Variants in NCAM2 observed in about 807,000 individuals in gnomAD.
The protein encoded by NCAM2 is N-CAM-2.
A neutral mutation model predicts 98.1 loss-of-function variants in NCAM2; 30 were observed. The observed-to-expected ratio is 0.31, with a 90% CI of 0.23 to 0.41. NCAM2 has a LOEUF of 0.41. Ranked by LOEUF, NCAM2 falls within the 10% of genes least tolerant of loss-of-function variation. The pLI, the probability that NCAM2 is intolerant of heterozygous loss-of-function variation, is 1.00. For synonymous variants in NCAM2, 368 were observed against 342.4 expected (o/e 1.07, Z -0.83); for missense variants, 867 against 1,005.8 (o/e 0.86, Z 1.87).
chr21:21,132,888 C>A (rs2066965262), intron 1 of NCAM2, among the ~76,000 whole-genome samples: 2 of 152,150 alleles, frequency 1.3e-5, no homozygotes, highest in Non-Finnish European at 2.9e-5. Context: ...TGTGCCACTT[C>A]CAGGGTAAAA....
At chr21:21,098,581 A>C (rs970608193) in intron 1 of NCAM2, among the ~76,000 whole-genome samples, 2 of 151,800 alleles carry the variant, frequency 1.3e-5, no homozygotes, top group African/African-American at 2.4e-5. Context: ...CATCTTCTCT[A>C]TTAGGGAGGT....
chr21:21,284,537 G>A (rs911159845), intron 3 of NCAM2, 137 bp downstream of exon 3: 10 of 683,956 alleles, frequency 1.5e-5, no homozygotes, highest in Admixed American at 2.6e-5. Context: ...TGCTTTACCA[G>A]AGTGTATCTT....
At chr21:21,446,929 A>G (rs1980249104) in intron 12 of NCAM2, among the ~76,000 whole-genome samples, 1 of 152,204 alleles carries the variant, frequency 6.6e-6, no homozygotes, top group South Asian at 2.1e-4. Context: ...AAAACATTCC[A>G]TTCTCATGGA....
chr21:21,384,872 C>T (rs1028001934), intron 9 of NCAM2, among the ~76,000 whole-genome samples: 5 of 151,868 alleles, frequency 3.3e-5, no homozygotes, highest in African/African-American at 4.8e-5. Flanking sequence ...AAAAATATCA[C>T]GAGATATATG....
intron 10 of NCAM2, among the ~76,000 whole-genome samples, chr21:21,416,595 G>A (rs1041490352): frequency 6.6e-6 from 1 of 151,988 alleles, no homozygotes; most frequent in Non-Finnish European, 1.5e-5. Flanking sequence ...TGAAGAAATA[G>A]TTTTATCAGT....
At chr21:21,371,202 A>G (rs2075906918) in intron 8 of NCAM2, among the ~76,000 whole-genome samples, 1 of 151,892 alleles carries the variant, frequency 6.6e-6, no homozygotes, top group African/African-American at 2.4e-5. Context: ...TAAAATTCTT[A>G]GTATGACTGT....
chr21:21,273,600 A>G (rs2072611405), intron 1 of NCAM2, among the ~76,000 whole-genome samples: 1 of 152,132 alleles, frequency 6.6e-6, no homozygotes. Flanking sequence ...TTATTTTAAG[A>G]ACACTAAACT....
In NCAM2 at chr21:21,248,144, C is replaced by CA. The variant is rs374834385; in HGVS notation, c.56-32428dup. ...TATATGGAATTCTTCCCTGAATTGA[C>CA]AAAAAAGTATTATTTCCATTTTATA... On this transcript the variant is annotated intron_variant, in intron 1 of 17. Transcript: ENST00000400546. Among the ~76,000 whole-genome samples, 87 of 151,680 alleles carry CA rather than the reference C, an allele frequency of 5.7e-4. 1 individual carries two copies. The highest frequency in any genetic ancestry group is 2.1e-3 in the African/African-American group (86 of 41,388).
intron 1 of NCAM2, among the ~76,000 whole-genome samples, chr21:21,276,556 G>C (rs1408326945): frequency 6.6e-6 from 1 of 151,848 alleles, no homozygotes; most frequent in Non-Finnish European, 1.5e-5. Context: ...ATAAATTTTT[G>C]ACATTAGGAA....
intron 1 of NCAM2, among the ~76,000 whole-genome samples, chr21:21,264,957 A>C (rs1208849843): frequency 2.8e-4 from 6 of 21,622 alleles, no homozygotes; most frequent in South Asian, 1.6e-3. Context: ...ATATATGTGT[A>C]TGTGTATATA....
chr21:21,278,353 G>C (rs2072806721), intron 1 of NCAM2, among the ~76,000 whole-genome samples: 2 of 151,962 alleles, frequency 1.3e-5, no homozygotes, highest in Admixed American at 6.6e-5. Context: ...TCTGCATTTT[G>C]CCTCTGTTGA....
intron 1 of NCAM2, among the ~76,000 whole-genome samples, chr21:21,017,542 G>C (rs1368435556): frequency 6.6e-6 from 1 of 150,584 alleles, no homozygotes; most frequent in East Asian, 2.0e-4. Flanking sequence ...GTTATATATC[G>C]AAGCACGGGC....
At chr21:21,010,939 A>G (rs2064198355) in intron 1 of NCAM2, among the ~76,000 whole-genome samples, 2 of 152,086 alleles carry the variant, frequency 1.3e-5, no homozygotes, top group African/African-American at 2.4e-5. Context: ...ATAATTCATC[A>G]CCTAAAGGGG....
At chr21:21,022,226 A>C (rs1231739161) in intron 1 of NCAM2, among the ~76,000 whole-genome samples, 3 of 152,098 alleles carry the variant, frequency 2.0e-5, no homozygotes, top group Non-Finnish European at 4.4e-5. Context: ...TACATACTTA[A>C]AAAATTAAAC....
At chr21:21,383,113 C>T (rs1257753373) in intron 9 of NCAM2, among the ~76,000 whole-genome samples, 2 of 152,050 alleles carry the variant, frequency 1.3e-5, no homozygotes, top group African/African-American at 4.8e-5. Context: ...TCAAAAAATA[C>T]TGAATTGTGT....
intron 1 of NCAM2, among the ~76,000 whole-genome samples, chr21:21,173,037 A>C (rs1317172856): frequency 6.6e-6 from 1 of 152,202 alleles, no homozygotes; most frequent in African/African-American, 2.4e-5. Flanking sequence ...ATGTATCTTC[A>C]CTTCTTGCAA....
In NCAM2 at chr21:21,430,335, A is replaced by G. The variant is rs560703483; in HGVS notation, c.1481-1773A>G. Among the ~76,000 whole-genome samples, 272 of 145,732 alleles carry G rather than the reference A, an allele frequency of 1.9e-3. 1 individual carries two copies. The highest frequency in any genetic ancestry group is 3.2e-3 in the Admixed American group (46 of 14,380). ...AGCCATCATGCCCAGCCCCAATTTT[A>G]TGTAAATGACTGATATAAGAATTGA... On this transcript the variant is annotated intron_variant, in intron 11 of 17. Coordinates refer to ENST00000400546, the MANE Select transcript of NCAM2 (RefSeq NM_004540.5).
intron 10 of NCAM2, among the ~76,000 whole-genome samples, chr21:21,413,722 G>A (rs1212000582): frequency 6.6e-6 from 1 of 152,178 alleles, no homozygotes; most frequent in East Asian, 1.9e-4. Context: ...TGAGATTTAA[G>A]CAAGTTGTAA....
chr21:21,295,980 A>G (rs1478072778), intron 5 of NCAM2, among the ~76,000 whole-genome samples: 1 of 151,802 alleles, frequency 6.6e-6, no homozygotes, highest in Admixed American at 6.6e-5. Flanking sequence ...CACCTTATTG[A>G]GGTATTGAAA....
Sources: gnomAD v4.1 joint callset for allele counts (sites outside exome capture counted in the v4.1 genomes callset) on GRCh38, gnomAD v4.1.1 for gene constraint, MANE v1.5 for transcripts, NCBI Gene and HGNC (gene_info 2026-07-23, HGNC 2026-07-21) for gene names.